Variants in SACS observed in about 807,000 individuals in gnomAD.
The protein encoded by SACS is sacsin molecular chaperone, also known as sacsin.
SACS carries 197 observed loss-of-function variants against 348.0 expected under a neutral mutation model. The observed-to-expected ratio is 0.57, with a 90% CI of 0.50 to 0.64. SACS has a LOEUF of 0.64. Ranked by LOEUF, SACS falls within the 30% of genes least tolerant of loss-of-function variation. SACS has a pLI of 0.00. For synonymous variants in SACS, 1,985 were observed against 1,910.6 expected (o/e 1.04, Z -1.02); for missense variants, 4,999 against 5,360.8 (o/e 0.93, Z 2.11).
At chr13:23,419,073 T>A (rs890936138) in intron 1 of SACS, 1 of 152,436 alleles carries the variant, frequency 6.6e-6, no homozygotes, top group African/African-American at 2.4e-5. Context: ...AGTGCCACAA[T>A]CGACTGCCCG....
chr13:23,334,493 A>T lies in SACS; in HGVS notation c.9383T>A (p.Leu3128His). The T allele has an allele frequency of 1.2e-6, 2 of 1,613,200 alleles. No homozygotes were observed. The highest frequency in any genetic ancestry group is 1.7e-6 in the Non-Finnish European group (2 of 1,179,784). The change falls in exon 10 of 10, where the codon CTT (leucine) becomes CAT (histidine). Residue 3128 changes from leucine (L) to histidine (H), a missense_variant. By Grantham distance (99) the Leu-to-His change is moderately conservative (BLOSUM62 -3). Around this residue, in one of 6 missense-constraint regions of SACS, gnomAD observed 734 missense variants for 694.0 expected, o/e 1.06. Transcript: ENST00000382292. ...PCRLQQTNLK[L>H]FHSLKLLVDY... The stretch of plus-strand genomic sequence containing the variant: ...AACTAAAAGTTTTAAACTATGAAAA[A>T]GTTTTAGATTAGTCTGCTGCAGACG...
chr13:23,358,500 A>G lies in SACS; in HGVS notation c.458-19T>C. On this transcript the variant is annotated intron_variant, in intron 6 of 9. Transcript: ENST00000382292. ...GCTGGCCCTAGGTGTGAAAATGCGC[A>G]GGCAGGAATTCAAAAAAGATACCAG... 1 of 1,613,904 alleles carries G rather than the reference A, an allele frequency of 6.2e-7. No homozygotes were observed. Among genetic ancestry groups the G allele is most frequent in the Non-Finnish European group, 8.5e-7 (1 of 1,179,960 alleles).
rs142643824 is a variant in SACS, at chr13:23,331,060, G to A, written c.12816C>T (p.Gly4272=). 1.9e-6 allele frequency: 3 copies of A among 1,614,048 alleles called. No individual in the cohort carries two copies. The highest frequency in any genetic ancestry group is 2.7e-5 in the African/African-American group (2 of 75,026). ...PTSPTEFLTP[G]LRSIPPLFSG... The stretch of plus-strand genomic sequence containing the variant: ...AGAAAAGAGGAGGAATGCTTCTCAG[G>A]CCAGGGGTGAGGAACTCAGTGGGGC... Residue 4272 remains glycine, a synonymous_variant, in exon 10 of 10, where the codon GGC becomes GGT. Transcript: ENST00000382292.
At chr13:23,404,064 T>C (rs1336992044) in intron 2 of SACS, among the ~76,000 whole-genome samples, 5 of 152,214 alleles carry the variant, frequency 3.3e-5, no homozygotes, top group Admixed American at 2.0e-4. Flanking sequence ...TTTGAGTGAG[T>C]TTCTTAATCC....
At chr13:23,350,330 A>T (rs967268361) in intron 9 of SACS, among the ~76,000 whole-genome samples, 3 of 152,210 alleles carry the variant, frequency 2.0e-5, no homozygotes, top group Non-Finnish European at 2.9e-5. Context: ...CTATGATAGA[A>T]TACAAGAAAG....
In SACS at chr13:23,332,743, A is replaced by C; in HGVS notation, c.11133T>G (p.Ala3711=). ...WTSCPILPEK[A]TPLSIKEQEG... is the part of the protein sequence containing the mutation. ...CTTGTTCTTTAATGCTTAAGGGTGTAGCTTTCTCTGGAAGAATAGGGCAGG... is the reference window on the plus strand; with the variant it reads ...CTTGTTCTTTAATGCTTAAGGGTGTCGCTTTCTCTGGAAGAATAGGGCAGG... The change falls in exon 10 of 10, where the codon GCT becomes GCG. Residue 3711 remains alanine, a synonymous_variant. Transcript: ENST00000382292. The C allele has an allele frequency of 6.2e-7, 1 of 1,614,060 alleles. No homozygotes were observed. The highest frequency in any genetic ancestry group is 8.5e-7 in the Non-Finnish European group (1 of 1,179,956).
At chr13:23,362,557 C>T (rs1416804610) in intron 6 of SACS, among the ~76,000 whole-genome samples, 1 of 151,440 alleles carries the variant, frequency 6.6e-6, no homozygotes, top group Admixed American at 6.6e-5. Context: ...AGATCACTGC[C>T]ACCTGCTTTT....
chr13:23,397,724 T>C (rs946085427), intron 2 of SACS, among the ~76,000 whole-genome samples: 1 of 152,212 alleles, frequency 6.6e-6, no homozygotes, highest in African/African-American at 2.4e-5. Flanking sequence ...ATTACTGTCA[T>C]ATCAAAGAAA....
intron 7 of SACS, 119 bp from the exon 8 acceptor site, chr13:23,356,126 AAC>A (rs1870371716): frequency 1.2e-6 from 1 of 804,088 alleles, no homozygotes; most frequent in African/African-American, 1.7e-5. Context: ...GATTTATCTA[AAC>A]ACAAACTTAA....
intron 2 of SACS, among the ~76,000 whole-genome samples, chr13:23,378,814 A>G (rs1171856404): frequency 6.6e-6 from 1 of 152,214 alleles, no homozygotes; most frequent in Non-Finnish European, 1.5e-5. Context: ...AACTGAATGC[A>G]TGCTAATAAT....
chr13:23,399,019 C>CAAAAAAAAAAAAAAAA lies in SACS; in HGVS notation c.20+12185_20+12200dup, dbSNP rs752943692. On this transcript the variant is annotated intron_variant, in intron 2 of 9. Transcript: ENST00000382292. ...CTGGTAACAGAGTGAGACTCCATCT[C>CAAAAAAAAAAAAAAAA]AAAAAAAAAAAAAAAAAACATGGAT... Among the ~76,000 whole-genome samples the CAAAAAAAAAAAAAAAA allele has an allele frequency of 7.0e-4, 47 of 67,112 alleles. 5 individuals carry two copies. The highest frequency in any genetic ancestry group is 2.1e-3 in the East Asian group (3 of 1,404). The allele number at this position is 67,112 out of a possible 152,430, so 44.0% of individuals were successfully genotyped here.
rs1883686963 is a variant in SACS, at chr13:23,334,296, A to C, written c.9580T>G (p.Leu3194Val). The C allele has an allele frequency of 1.9e-6, 3 of 1,603,408 alleles. No individual in the cohort carries two copies. Among genetic ancestry groups the C allele is most frequent in the Non-Finnish European group, 2.6e-6 (3 of 1,174,290 alleles). ...RKDLFMNTLY[L>V]KYSNILLNCK... ...TTCAATAAAATATTACTATATTTCA[A>C]ATATAATGTATTCATAAACAAGTCT... The change falls in exon 10 of 10, where the codon TTG becomes GTG. Residue 3194 changes from leucine to valine, a missense_variant. By Grantham distance (32) the Leu-to-Val change is conservative (BLOSUM62 1). This residue lies in a region of SACS where 734 missense variants were observed against 694.0 expected (regional missense o/e 1.06). Coordinates refer to ENST00000382292, the MANE Select transcript of SACS (RefSeq NM_014363.6).
At position 23,403,895 on chromosome 13, in the gene SACS, T is replaced by C. The variant is rs1873093728; in HGVS notation, c.20+7325A>G. 1.3e-5 allele frequency among the ~76,000 whole-genome samples: 2 copies of C among 152,210 alleles called. 1 individual carries two copies. Among genetic ancestry groups the C allele is most frequent in the South Asian group, 4.1e-4 (2 of 4,830 alleles). On this transcript the variant is annotated intron_variant, in intron 2 of 9. Transcript: ENST00000382292. Reference sequence around the variant, plus strand: ...CTGTGGGCATTTAGTGCTATAAATTTCCCTCTAAACACTGCTTTAGCAGTA... The same window carrying C: ...CTGTGGGCATTTAGTGCTATAAATTCCCCTCTAAACACTGCTTTAGCAGTA...
At position 23,330,645 on chromosome 13, in the gene SACS, C is replaced by T. The variant is rs1883408216; in HGVS notation, c.13231G>A (p.Glu4411Lys). 6.2e-7 allele frequency: 1 copy of T among 1,614,058 alleles called. No individual in the cohort carries two copies. The highest frequency in any genetic ancestry group is 8.5e-7 in the Non-Finnish European group (1 of 1,179,992). ...WNQEATSHKS[E>K]RQQQNKEKCP... ...TTTTCTTTGTTCTGTTGCTGTCTTT[C>T]AGATTTATGGCTCGTTGCTTCTTGA... Residue 4411 changes from glutamate to lysine, a missense_variant, in exon 10 of 10, where the codon GAA (glutamate) becomes AAA (lysine). Coordinates refer to ENST00000382292, the MANE Select transcript of SACS (RefSeq NM_014363.6).
Position 23,330,841 on chromosome 13 carries a change from A to G in SACS, c.13035T>C (p.His4345=), listed in dbSNP as rs756632881. The G allele has an allele frequency of 6.2e-7, 1 of 1,614,050 alleles. No homozygotes were observed. The highest frequency in any genetic ancestry group is 2.2e-5 in the East Asian group (1 of 44,882). Residue 4345 remains histidine, a synonymous_variant, in exon 10 of 10, where the codon CAT becomes CAC. Transcript: ENST00000382292. ...GTTTAAAAACTTCATTGGCAATGTCATGGTTCTCTGGATTTTTGTCAGGAT... is the reference window on the plus strand; with the variant it reads ...GTTTAAAAACTTCATTGGCAATGTCGTGGTTCTCTGGATTTTTGTCAGGAT... ...KWHPDKNPEN[H]DIANEVFKHL... is the part of the protein sequence containing the mutation.
chr13:23,414,101 C>G (rs1219522440), intron 1 of SACS, among the ~76,000 whole-genome samples: 2 of 152,066 alleles, frequency 1.3e-5, no homozygotes, highest in Non-Finnish European at 2.9e-5. Flanking sequence ...TCAGGAGATC[C>G]AGACCATCCT....
chr13:23,427,048 C>G (rs1874216291), intron 1 of SACS: 1 of 152,194 alleles, frequency 6.6e-6, no homozygotes, highest in Non-Finnish European at 1.5e-5. Context: ...TTCTCCTCAC[C>G]ATGGCTTGAG....
intron 2 of SACS, among the ~76,000 whole-genome samples, chr13:23,380,169 G>T (rs1197530845): frequency 6.6e-6 from 1 of 151,102 alleles, no homozygotes; most frequent in African/African-American, 2.4e-5. Flanking sequence ...GAGAGAGAGA[G>T]AAAGAGAGGG....
intron 1 of SACS, chr13:23,426,828 A>G (rs1300501294): frequency 1.3e-5 from 2 of 152,148 alleles, no homozygotes; most frequent in African/African-American, 4.8e-5. Context: ...CAGAGGAGTG[A>G]CTTTGAATAG....
Sources: allele counts gnomAD v4.1 joint callset (sites outside exome capture counted in the v4.1 genomes callset), GRCh38; gene constraint gnomAD v4.1.1; regional missense constraint gnomAD v4.1.1; transcripts MANE v1.5; gene names NCBI Gene and HGNC (gene_info 2026-07-23, HGNC 2026-07-21).